The following LEPR variants were observed in gnomAD, a reference collection of about 807,000 sequenced individuals.
LEPR encodes leptin receptor, also known as OB receptor.
Under a neutral mutation model 114.7 loss-of-function variants are expected in LEPR, and 56 were observed. The ratio of observed to expected loss-of-function variants is 0.49; its 90% CI spans 0.39 to 0.61. The LOEUF (loss-of-function observed/expected upper bound fraction) is 0.61. LEPR is among the 20% of genes least tolerant of loss of function. The pLI, the probability that LEPR is intolerant of heterozygous loss-of-function variation, is 0.00. For synonymous variants in LEPR, 443 were observed against 461.4 expected (o/e 0.96, Z 0.51); for missense variants, 1,202 against 1,352.9 (o/e 0.89, Z 1.75).
chr1:65,463,959 G>T (rs1249590391), intron 2 of LEPR, among the ~76,000 whole-genome samples: 4 of 152,142 alleles, frequency 2.6e-5, no homozygotes, highest in Non-Finnish European at 1.5e-5. Context: ...ATACAATCAT[G>T]TCATCTGCAA....
chr1:65,488,254 T>TTCTTTCTTTCTTTCTC, intron 2 of LEPR, among the ~76,000 whole-genome samples: 1 of 140,894 alleles, frequency 7.1e-6, no homozygotes, highest in Non-Finnish European at 1.5e-5. Context: ...CTTTCTTTCT[T>TTCTTTCTTTCTTTCTC]TCTTTTCTTT....
At chr1:65,589,088 CTTT>C (rs1489773757) in intron 5 of LEPR, among the ~76,000 whole-genome samples, 2 of 152,036 alleles carry the variant, frequency 1.3e-5, no homozygotes, top group African/African-American at 4.8e-5. Flanking sequence ...TGTAGTCAGT[CTTT>C]TTTTAAAATT....
At chr1:65,437,279 A>G (rs2100261432) in intron 2 of LEPR, among the ~76,000 whole-genome samples, 1 of 152,268 alleles carries the variant, frequency 6.6e-6, no homozygotes, top group Admixed American at 6.5e-5. Flanking sequence ...ATATATTTTG[A>G]GATGGTATCT....
Position 65,456,342 on chromosome 1 carries a change from G to A in LEPR, c.-21+30964G>A, listed in dbSNP as rs142497957. 3.6e-3 allele frequency among the ~76,000 whole-genome samples: 553 copies of A among 152,154 alleles called. 4 individuals carry two copies. The highest frequency in any genetic ancestry group is 0.013 in the African/African-American group (529 of 41,514). On this transcript the variant is annotated intron_variant, in intron 2 of 19. Transcript: ENST00000349533. ...GTTAATTATATCCAGTTAATTGATGGTGTTGTTGAGTTCAACTTTGTCCTT... is the reference window on the plus strand; with the variant it reads ...GTTAATTATATCCAGTTAATTGATGATGTTGTTGAGTTCAACTTTGTCCTT...
intron 2 of LEPR, among the ~76,000 whole-genome samples, chr1:65,492,288 C>T (rs1332486833): frequency 1.3e-5 from 2 of 152,046 alleles, no homozygotes; most frequent in Non-Finnish European, 2.9e-5. Flanking sequence ...TTTGTCTCAA[C>T]AATATTTTTT....
At chr1:65,507,510 T>TATAC (rs1557630367) in intron 2 of LEPR, among the ~76,000 whole-genome samples, 12 of 134,806 alleles carry the variant, frequency 8.9e-5, no homozygotes, top group African/African-American at 2.5e-4. Context: ...TATATATATA[T>TATAC]ACATATATAT....
intron 2 of LEPR, among the ~76,000 whole-genome samples, chr1:65,552,145 A>G (rs1652426053): frequency 6.6e-6 from 1 of 152,194 alleles, no homozygotes; most frequent in Non-Finnish European, 1.5e-5. Context: ...CAATTTTAGA[A>G]TAAGCGCGAT....
At chr1:65,429,121 G>C (rs555295319) in intron 2 of LEPR, among the ~76,000 whole-genome samples, 3 of 152,322 alleles carry the variant, frequency 2.0e-5, no homozygotes, top group African/African-American at 7.2e-5. Context: ...AGTTCAAAGA[G>C]GGTGGTATGT....
intron 2 of LEPR, among the ~76,000 whole-genome samples, 162 bp downstream of exon 2, chr1:65,425,540 C>T (rs1646344239): frequency 6.6e-6 from 1 of 152,198 alleles, no homozygotes; most frequent in South Asian, 2.1e-4. Context: ...TGTACTTTTG[C>T]AGAGGGCTCT....
At chr1:65,588,113 G>C (rs902382526) in intron 5 of LEPR, among the ~76,000 whole-genome samples, 8 of 151,870 alleles carry the variant, frequency 5.3e-5, no homozygotes, top group Non-Finnish European at 8.8e-5. Context: ...CAGAGACACT[G>C]TTACTCCACA....
chr1:65,421,259 A>G lies in LEPR; in HGVS notation c.-97+519A>G, dbSNP rs1646244015. 3 of 1,419,472 alleles carry G rather than the reference A, an allele frequency of 2.1e-6. No homozygotes were observed. The African/African-American group carries it at 4.3e-5, about 20-fold the overall frequency. The allele number at this position is 1,419,472 out of a possible 1,614,324, so 87.9% of individuals were successfully genotyped here. A position where few individuals can be genotyped will look rare whatever the true frequency, so the allele number is the denominator to read the frequency against. The stretch of plus-strand genomic sequence containing the variant: ...CACCCAGAAAGACGGTGTTTCTCGC[A>G]GTCGTGGAGAGTAGATTACGTGTAA... On this transcript the variant is annotated intron_variant, in intron 1 of 19. Transcript: ENST00000349533.
At chr1:65,518,996 T>TTC (rs1649478159) in intron 2 of LEPR, among the ~76,000 whole-genome samples, 1 of 30,208 alleles carries the variant, frequency 3.3e-5, no homozygotes, top group Non-Finnish European at 8.1e-5. Flanking sequence ...CCTTCCTTCC[T>TTC]TCTTTCTTCT....
At chr1:65,524,142 A>T (rs1649784030) in intron 2 of LEPR, among the ~76,000 whole-genome samples, 1 of 152,352 alleles carries the variant, frequency 6.6e-6, no homozygotes, top group Middle Eastern at 3.4e-3. Context: ...CTGTTTGAGC[A>T]TTAAGTTTGT....
intron 3 of LEPR, among the ~76,000 whole-genome samples, chr1:65,567,850 A>G (rs955115104): frequency 2.9e-5 from 4 of 137,960 alleles, no homozygotes; most frequent in African/African-American, 1.1e-4. Flanking sequence ...ACCCCCCATT[A>G]TCAACTATCC....
rs1156677138 is a variant in LEPR, at chr1:65,633,739, T to C, written c.2674-2452T>C. 1.0e-6 allele frequency: 1 copy of C among 985,194 alleles called. No homozygotes were observed. Among genetic ancestry groups the C allele is most frequent in the African/African-American group, 1.7e-5 (1 of 57,232 alleles). The allele number at this position is 985,194 out of a possible 1,614,324, so 61.0% of individuals were successfully genotyped here. A position where few individuals can be genotyped will look rare whatever the true frequency, so the allele number is the denominator to read the frequency against. ...TCTTTTGAATATCTCCTGGCATTTT[T>C]GTATCTAACTTTGTTCAATCTGGGA... On this transcript the variant is annotated intron_variant, in intron 19 of 19. Coordinates refer to ENST00000349533, the MANE Select transcript of LEPR (RefSeq NM_002303.6). This position sits in a 1 kb window ranked among gnomAD's most constrained non-coding sequence, Gnocchi z 4.1.
chr1:65,584,764 C>G (rs1655208139), intron 5 of LEPR, among the ~76,000 whole-genome samples: 1 of 152,110 alleles, frequency 6.6e-6, no homozygotes, highest in South Asian at 2.1e-4. Flanking sequence ...GGTCTTCCCT[C>G]TCCCTTCAGG....
At chr1:65,447,590 G>A (rs976106060) in intron 2 of LEPR, among the ~76,000 whole-genome samples, 1 of 149,296 alleles carries the variant, frequency 6.7e-6, no homozygotes, top group Admixed American at 6.7e-5. Context: ...GGAGTGCAAT[G>A]GTGCAATCTT....
intron 2 of LEPR, among the ~76,000 whole-genome samples, chr1:65,540,000 C>A (rs780959197): frequency 6.6e-6 from 1 of 152,174 alleles, no homozygotes; most frequent in Non-Finnish European, 1.5e-5. Flanking sequence ...TAATAAATTT[C>A]TTTCCTGCTT....
chr1:65,439,570 A>G (rs1022924288), intron 2 of LEPR, among the ~76,000 whole-genome samples: 1 of 152,022 alleles, frequency 6.6e-6, no homozygotes, highest in African/African-American at 2.4e-5. Flanking sequence ...TAATCCCAGC[A>G]CTTTGGAAGG....
Sources: allele counts gnomAD v4.1 joint callset (sites outside exome capture counted in the v4.1 genomes callset), GRCh38; gene constraint gnomAD v4.1.1; non-coding constraint Gnocchi (gnomAD v3.1); transcripts MANE v1.5; gene names NCBI Gene and HGNC (gene_info 2026-07-23, HGNC 2026-07-21).